The following MAN2A1 variants were observed in gnomAD, a reference collection of about 807,000 sequenced individuals.
The protein encoded by MAN2A1 is mannosidase alpha class 2A member 1.
A neutral mutation model predicts 142.6 loss-of-function variants in MAN2A1; 76 were observed. That is an observed-to-expected ratio of 0.53 (90% CI 0.44 to 0.65). The LOEUF (loss-of-function observed/expected upper bound fraction) is 0.65. Among genes scored for constraint, MAN2A1 ranks in the 30% least tolerant of loss-of-function variants. The pLI, the probability that MAN2A1 is intolerant of heterozygous loss-of-function variation, is 0.00. For missense variants in MAN2A1, 1,311 were observed against 1,365.1 expected, an observed-to-expected ratio of 0.96 and a Z score of 0.62; for synonymous variants, 559 against 473.2, an observed-to-expected ratio of 1.18 and a Z score of -2.35.
At chr5:109,809,918 C>CT (rs1243929421) in intron 12 of MAN2A1, among the ~76,000 whole-genome samples, 2 of 152,068 alleles carry the variant, frequency 1.3e-5, no homozygotes, top group East Asian at 3.9e-4. Context: ...ATTGCATATT[C>CT]TTTTTTTCAC....
intron 5 of MAN2A1, among the ~76,000 whole-genome samples, chr5:109,758,957 T>C (rs1752765210): frequency 6.6e-6 from 1 of 152,068 alleles, no homozygotes; most frequent in Admixed American, 6.6e-5. Context: ...GACTTATATT[T>C]ATGCCAGTAC....
At chr5:109,785,092 A>G (rs920146765) in intron 10 of MAN2A1, among the ~76,000 whole-genome samples, 166 bp downstream of exon 10, 3 of 152,166 alleles carry the variant, frequency 2.0e-5, no homozygotes, top group Non-Finnish European at 4.4e-5. Context: ...ATATTAAGAA[A>G]TCTGTTGACA....
At chr5:109,706,422 T>A (rs1417965947) in intron 1 of MAN2A1, among the ~76,000 whole-genome samples, 2 of 152,216 alleles carry the variant, frequency 1.3e-5, no homozygotes, top group Non-Finnish European at 2.9e-5. Context: ...GCAGGTCCTG[T>A]GCTAAATTCT....
At chr5:109,702,844 C>G (rs984920253) in intron 1 of MAN2A1, among the ~76,000 whole-genome samples, 3 of 152,140 alleles carry the variant, frequency 2.0e-5, no homozygotes, top group African/African-American at 7.2e-5. Context: ...TCACCTTGCC[C>G]TTGTAGACCA....
intron 1 of MAN2A1, among the ~76,000 whole-genome samples, chr5:109,691,944 G>A (rs1036463478): frequency 2.0e-5 from 3 of 152,096 alleles, no homozygotes; most frequent in Non-Finnish European, 2.9e-5. Context: ...GTGTAATTTT[G>A]GGGTTGAAAT....
At chr5:109,698,085 A>T (rs1367625020) in intron 1 of MAN2A1, among the ~76,000 whole-genome samples, 1 of 152,242 alleles carries the variant, frequency 6.6e-6, no homozygotes, top group Admixed American at 6.5e-5. Flanking sequence ...ACTGAAAACC[A>T]TGACTTTATG....
intron 5 of MAN2A1, among the ~76,000 whole-genome samples, chr5:109,758,088 G>T (rs964162200): frequency 6.6e-6 from 1 of 152,076 alleles, no homozygotes; most frequent in Non-Finnish European, 1.5e-5. Context: ...TTAGCATTTT[G>T]AGAAACTGTC....
intron 11 of MAN2A1, among the ~76,000 whole-genome samples, 197 bp from the exon 12 acceptor site, chr5:109,789,263 T>C (rs1250671323): frequency 6.6e-6 from 1 of 151,848 alleles, no homozygotes; most frequent in Non-Finnish European, 1.5e-5. Flanking sequence ...TTTAGAATAC[T>C]ATTAAGATGT....
At chr5:109,785,755 A>G (rs538478576) in intron 10 of MAN2A1, among the ~76,000 whole-genome samples, 3 of 152,036 alleles carry the variant, frequency 2.0e-5, no homozygotes, top group East Asian at 1.9e-4. Context: ...AGTTTTGACT[A>G]TTTTATTTAC....
intron 9 of MAN2A1, 89 bp from the exon 10 acceptor site, chr5:109,784,655 A>C: frequency 9.6e-7 from 1 of 1,044,334 alleles, no homozygotes; most frequent in East Asian, 2.6e-5. Context: ...TTATGGATTA[A>C]AAAATTTGTA....
At chr5:109,804,842 T>C (rs1754123266) in intron 12 of MAN2A1, among the ~76,000 whole-genome samples, 1 of 152,220 alleles carries the variant, frequency 6.6e-6, no homozygotes, top group South Asian at 2.1e-4. Flanking sequence ...ATTTCTGTCC[T>C]TAACAACAAA....
At chr5:109,821,138 C>T (rs1754612253) in intron 15 of MAN2A1, among the ~76,000 whole-genome samples, 1 of 152,092 alleles carries the variant, frequency 6.6e-6, no homozygotes, top group Non-Finnish European at 1.5e-5. Context: ...CCCATGAAAA[C>T]CATTGCCAAC....
intron 19 of MAN2A1, among the ~76,000 whole-genome samples, chr5:109,852,300 A>C (rs1043553294): frequency 2.0e-5 from 3 of 151,408 alleles, no homozygotes; most frequent in African/African-American, 7.3e-5. Flanking sequence ...TGTCTTTTTT[A>C]CTCCACCCTT....
intron 20 of MAN2A1, chr5:109,862,314 GGAA>G (rs1227411111): frequency 6.6e-6 from 1 of 152,180 alleles, no homozygotes; most frequent in East Asian, 1.9e-4. Context: ...CCAAGTTGCT[GGAA>G]GAGCCTCAGA....
At chr5:109,756,283 C>T (rs1478310257) in intron 5 of MAN2A1, among the ~76,000 whole-genome samples, 1 of 152,060 alleles carries the variant, frequency 6.6e-6, no homozygotes, top group Admixed American at 6.6e-5. Context: ...CAGATGTCCA[C>T]TATAAAAACT....
chr5:109,762,995 G>A (rs545958784), intron 5 of MAN2A1, among the ~76,000 whole-genome samples: 1 of 152,210 alleles, frequency 6.6e-6, no homozygotes, highest in African/African-American at 2.4e-5. Context: ...CAAAAAGTAG[G>A]TTGGTTATTT....
At chr5:109,844,847 A>C (rs527264894) in intron 17 of MAN2A1, among the ~76,000 whole-genome samples, 36 of 152,300 alleles carry the variant, frequency 2.4e-4, no homozygotes, top group African/African-American at 8.2e-4. Flanking sequence ...TTAGGTCCCA[A>C]CATAATCCAG....
rs573045307 is a variant in MAN2A1, at chr5:109,856,923, A to G, written c.3171+1589A>G. 3.9e-5 allele frequency among the ~76,000 whole-genome samples: 6 copies of G among 152,316 alleles called. No homozygotes were observed. The East Asian group carries it at 1.2e-3, about 29-fold the overall frequency. On this transcript the variant is annotated intron_variant, in intron 20 of 21. Coordinates refer to ENST00000261483, the MANE Select transcript of MAN2A1 (RefSeq NM_002372.4). The stretch of plus-strand genomic sequence containing the variant: ...AGAGCTTAGATTCTAATGGGAGGAG[A>G]AAAACAAGAAAAAGTAAGAGAAATA...
At chr5:109,717,050 A>G (rs1222407566) in intron 3 of MAN2A1, among the ~76,000 whole-genome samples, 1 of 151,168 alleles carries the variant, frequency 6.6e-6, no homozygotes, top group Non-Finnish European at 1.5e-5. Flanking sequence ...GTCACAGATA[A>G]TTTAGTTGCA....
Sources: allele counts gnomAD v4.1 joint callset (sites outside exome capture counted in the v4.1 genomes callset), GRCh38; gene constraint gnomAD v4.1.1; transcripts MANE v1.5; gene names NCBI Gene and HGNC (gene_info 2026-07-23, HGNC 2026-07-21).